HS6ST3: variants seen among roughly 807,000 people sequenced by gnomAD.
The protein encoded by HS6ST3 is heparan-sulfate 6-O-sulfotransferase 3.
HS6ST3 carries 12 observed loss-of-function variants against 36.7 expected under a neutral mutation model. The ratio of observed to expected loss-of-function variants is 0.33; its 90% CI spans 0.21 to 0.53. HS6ST3 has a LOEUF of 0.53. Ranked by LOEUF, HS6ST3 falls within the 20% of genes least tolerant of loss-of-function variation. The pLI, the probability that HS6ST3 is intolerant of heterozygous loss-of-function variation, is 0.95. For synonymous variants in HS6ST3, 240 were observed against 257.5 expected (o/e 0.93, Z 0.65); for missense variants, 584 against 640.9 (o/e 0.91, Z 0.96).
intron 1 of HS6ST3, among the ~76,000 whole-genome samples, chr13:96,830,394 A>G (rs1223009815): frequency 6.6e-6 from 1 of 152,232 alleles, no homozygotes; most frequent in Non-Finnish European, 1.5e-5. Context: ...GAATATCTAC[A>G]ACTGCTCCCT....
At position 96,836,528 on chromosome 13, in the gene HS6ST3, AT is replaced by A. The variant is rs1289893378; in HGVS notation, c.*3331del. The A allele has an allele frequency of 2.0e-5, 3 of 152,202 alleles. No individual in the cohort carries two copies. The highest frequency in any genetic ancestry group is 2.0e-4 in the Admixed American group (3 of 15,284). 9.4% of individuals were successfully genotyped at this position (152,202 alleles called of 1,614,324 possible). On this transcript the variant is annotated 3_prime_UTR_variant, in exon 2 of 2. Transcript: ENST00000376705. ...GGCATATCATGTGTTTTTATTAAAA[AT>A]GATAAAGATGTGTTTCTTCTCATCT...
At chr13:96,163,320 C>A (rs2054145507) in intron 1 of HS6ST3, among the ~76,000 whole-genome samples, 1 of 151,362 alleles carries the variant, frequency 6.6e-6, no homozygotes, top group African/African-American at 2.4e-5. Context: ...AGCTCCGCCC[C>A]CCGGGTTCAC....
intron 1 of HS6ST3, among the ~76,000 whole-genome samples, chr13:96,303,445 G>C (rs887691265): frequency 1.4e-4 from 21 of 152,140 alleles, no homozygotes; most frequent in African/African-American, 4.8e-4. Context: ...TTGCAAAATG[G>C]TTACTCTGCT....
intron 1 of HS6ST3, among the ~76,000 whole-genome samples, chr13:96,673,979 G>A (rs1001384414): frequency 2.6e-4 from 40 of 151,858 alleles, no homozygotes; most frequent in African/African-American, 9.0e-4. Context: ...TATATTTCAC[G>A]GTGAGGTGAT....
At chr13:96,679,879 G>A (rs974262194) in intron 1 of HS6ST3, among the ~76,000 whole-genome samples, 13 of 152,240 alleles carry the variant, frequency 8.5e-5, no homozygotes, top group South Asian at 2.1e-4. Flanking sequence ...ACTTGGCCCC[G>A]GTCTTAAGAG....
chr13:96,707,383 ATGT>A (rs1488202649), intron 1 of HS6ST3, among the ~76,000 whole-genome samples: 4 of 152,182 alleles, frequency 2.6e-5, no homozygotes, highest in Non-Finnish European at 2.9e-5. Context: ...TGAGAAATAA[ATGT>A]TGTTGCTTCA....
intron 1 of HS6ST3, among the ~76,000 whole-genome samples, chr13:96,103,280 G>A (rs2053826326): frequency 6.6e-6 from 1 of 152,154 alleles, no homozygotes; most frequent in African/African-American, 2.4e-5. Context: ...TTGGCAGAGT[G>A]GTATCCAGAA....
chr13:96,175,917 C>T (rs1383375169), intron 1 of HS6ST3, among the ~76,000 whole-genome samples: 2 of 152,032 alleles, frequency 1.3e-5, no homozygotes, highest in Non-Finnish European at 2.9e-5. Flanking sequence ...TCACTGCAGC[C>T]TCTGCCTTTT....
chr13:96,743,346 T>G (rs1876487919), intron 1 of HS6ST3, among the ~76,000 whole-genome samples: 1 of 152,080 alleles, frequency 6.6e-6, no homozygotes, highest in African/African-American at 2.4e-5. Flanking sequence ...ATGTGAAGGA[T>G]ATTGAACAGT....
chr13:96,703,446 T>C (rs1278692249), intron 1 of HS6ST3, among the ~76,000 whole-genome samples: 1 of 152,246 alleles, frequency 6.6e-6, no homozygotes, highest in African/African-American at 2.4e-5. Flanking sequence ...GAAAATAATG[T>C]TGTGCTCTCA....
intron 1 of HS6ST3, among the ~76,000 whole-genome samples, chr13:96,823,736 C>T (rs1414171580): frequency 6.6e-6 from 1 of 152,122 alleles, no homozygotes; most frequent in African/African-American, 2.4e-5. Flanking sequence ...TCTCCTACCT[C>T]AGCCTCCCAA....
chr13:96,452,455 A>C (rs1235229997), intron 1 of HS6ST3, among the ~76,000 whole-genome samples: 1 of 152,188 alleles, frequency 6.6e-6, no homozygotes, highest in Admixed American at 6.5e-5. Flanking sequence ...TTGGAGGCAG[A>C]CTGCAAATTA....
chr13:96,209,393 T>C (rs571316551), intron 1 of HS6ST3, among the ~76,000 whole-genome samples: 2 of 152,266 alleles, frequency 1.3e-5, no homozygotes, highest in East Asian at 3.9e-4. Context: ...AACAGATGGT[T>C]GGTGCTCCCC....
At chr13:96,769,799 T>C (rs555031798) in intron 1 of HS6ST3, among the ~76,000 whole-genome samples, 53 of 151,462 alleles carry the variant, frequency 3.5e-4, no homozygotes, top group Non-Finnish European at 6.3e-4. Context: ...CTAGTTTTGC[T>C]ATGAGGAGGA....
chr13:96,786,760 C>A (rs1422402881), intron 1 of HS6ST3, among the ~76,000 whole-genome samples: 1 of 151,804 alleles, frequency 6.6e-6, no homozygotes, highest in Non-Finnish European at 1.5e-5. Context: ...TCAAATTGAC[C>A]TTTTGTGGTG....
intron 1 of HS6ST3, among the ~76,000 whole-genome samples, chr13:96,675,139 A>T (rs1048267370): frequency 1.3e-5 from 2 of 152,168 alleles, no homozygotes; most frequent in African/African-American, 4.8e-5. Context: ...GAATGCGAAC[A>T]GAAACGAAAC....
intron 1 of HS6ST3, among the ~76,000 whole-genome samples, chr13:96,718,657 A>G (rs752332012): frequency 1.3e-5 from 2 of 152,236 alleles, no homozygotes; most frequent in Non-Finnish European, 2.9e-5. Context: ...GTTTTATATA[A>G]AGTGAGAGGT....
At chr13:96,171,346 C>A (rs2054186879) in intron 1 of HS6ST3, among the ~76,000 whole-genome samples, 1 of 152,096 alleles carries the variant, frequency 6.6e-6, no homozygotes, top group Admixed American at 6.5e-5. Flanking sequence ...GTCAAAATGT[C>A]TTTTCTTTCT....
chr13:96,616,643 A>G (rs1361270850), intron 1 of HS6ST3, among the ~76,000 whole-genome samples: 1 of 152,158 alleles, frequency 6.6e-6, no homozygotes, highest in African/African-American at 2.4e-5. Flanking sequence ...CTGTCCCTCC[A>G]TTTCTATAGA....
Sources: gnomAD v4.1 joint callset for allele counts (sites outside exome capture counted in the v4.1 genomes callset) on GRCh38, gnomAD v4.1.1 for gene constraint, MANE v1.5 for transcripts, NCBI Gene and HGNC (gene_info 2026-07-23, HGNC 2026-07-21) for gene names.